Variants in PRKCA observed in about 807,000 individuals in gnomAD.
The protein encoded by PRKCA is protein kinase C alpha.
A neutral mutation model predicts 87.0 loss-of-function variants in PRKCA; 27 were observed. That is an observed-to-expected ratio of 0.31 (90% CI 0.23 to 0.43). The LOEUF (loss-of-function observed/expected upper bound fraction) is 0.43. Among genes scored for constraint, PRKCA ranks in the 20% least tolerant of loss-of-function variants. The probability of loss-of-function intolerance (pLI) is 1.00; values close to 1 mark genes in which losing one functional copy is unlikely to be tolerated. For missense variants in PRKCA, 518 were observed against 852.3 expected, an observed-to-expected ratio of 0.61 and a Z score of 4.88; for synonymous variants, 329 against 311.1, an observed-to-expected ratio of 1.06 and a Z score of -0.61.
At chr17:66,776,124 G>A (rs1158853607) in intron 14 of PRKCA, among the ~76,000 whole-genome samples, 2 of 152,218 alleles carry the variant, frequency 1.3e-5, no homozygotes, top group African/African-American at 4.8e-5. Context: ...CAGGGCTAGA[G>A]CAGAATTGAG....
At chr17:66,718,881 G>C (rs1973542341) in intron 8 of PRKCA, among the ~76,000 whole-genome samples, 1 of 152,198 alleles carries the variant, frequency 6.6e-6, no homozygotes. Flanking sequence ...AAGAAGTACA[G>C]TTAAAAATTC....
chr17:66,749,651 G>A (rs58321905), intron 13 of PRKCA, among the ~76,000 whole-genome samples: 5,599 of 152,282 alleles, frequency 0.037, 354 homozygotes, highest in African/African-American at 0.13. Context: ...CCTACCCCAG[G>A]GTCTGGAGCC....
chr17:66,393,969 G>A (rs185767951), intron 2 of PRKCA, among the ~76,000 whole-genome samples: 35 of 152,166 alleles, frequency 2.3e-4, no homozygotes, highest in African/African-American at 7.9e-4. Context: ...CACCTACTCG[G>A]GAGACTGAGG....
intron 5 of PRKCA, among the ~76,000 whole-genome samples, chr17:66,652,520 A>G (rs9904811): frequency 0.58 from 87,440 of 151,832 alleles, 25,259 homozygotes; most frequent in Admixed American, 0.6. Flanking sequence ...CCTACTTCCA[A>G]ATGGTTCAAC....
chr17:66,717,849 A>C (rs1314537197), intron 8 of PRKCA, among the ~76,000 whole-genome samples: 1 of 152,242 alleles, frequency 6.6e-6, no homozygotes, highest in East Asian at 1.9e-4. Context: ...AGTTGCCAGC[A>C]GGAGAAAGAA....
rs117484914 is a variant in PRKCA at position 66,375,573 on chromosome 17, A to C, written c.205+69446A>C. On this transcript the variant is annotated intron_variant, in intron 2 of 16. Transcript: ENST00000413366. ...AGCATCCCATGCATATCATATTCCA[A>C]ATGTTCTGTGTAAGCCCCAGGTTTC... is the stretch of plus-strand genomic sequence containing the variant. 6.3e-3 allele frequency among the ~76,000 whole-genome samples: 964 copies of C among 152,232 alleles called. 6 individuals are homozygous for C. Among genetic ancestry groups the C allele is most frequent in the Non-Finnish European group, 0.011 (733 of 68,020 alleles).
In PRKCA at chr17:66,454,754, A is replaced by G. The variant is rs149905903; in HGVS notation, c.206-41447A>G. Among the ~76,000 whole-genome samples, 933 of 152,296 alleles carry G rather than the reference A, an allele frequency of 6.1e-3. 13 individuals are homozygous for G. Among genetic ancestry groups the G allele is most frequent in the African/African-American group, 0.02 (827 of 41,558 alleles). ...TAACTCCCACTGGCTCCCTCCCCCA[A>G]TGTGTAGGAATTTACGGGAGGTACA... On this transcript the variant is annotated intron_variant, in intron 2 of 16. Coordinates refer to ENST00000413366, the MANE Select transcript of PRKCA (RefSeq NM_002737.3).
At position 66,805,016 on chromosome 17, in the gene PRKCA, A is replaced by T. The variant is rs1020569311; in HGVS notation, c.*979A>T. On this transcript the variant is annotated 3_prime_UTR_variant, in exon 17 of 17. Coordinates refer to ENST00000413366, the MANE Select transcript of PRKCA (RefSeq NM_002737.3). ...TGTGCTTATTTATTTAATAGGCTGC[A>T]GTGTCGCTTATGAAAGTACGATGTA... is the stretch of plus-strand genomic sequence containing the variant. 22 of 984,932 alleles carry T rather than the reference A, an allele frequency of 2.2e-5. No homozygotes were observed. The highest frequency in any genetic ancestry group is 2.4e-5 in the Non-Finnish European group (20 of 829,426). The allele number at this position is 984,932 out of a possible 1,614,324, so 61.0% of individuals were successfully genotyped here.
At chr17:66,760,693 A>C (rs1049489067) in intron 13 of PRKCA, among the ~76,000 whole-genome samples, 3 of 152,224 alleles carry the variant, frequency 2.0e-5, no homozygotes, top group African/African-American at 7.2e-5. Flanking sequence ...ATGAAAGAGG[A>C]CATCACTACA....
chr17:66,488,945 T>G (rs561860584), intron 2 of PRKCA, among the ~76,000 whole-genome samples: 7 of 152,160 alleles, frequency 4.6e-5, no homozygotes, highest in Non-Finnish European at 1.0e-4. Context: ...ACTTTTTCAT[T>G]ACTTTCCCTA....
intron 2 of PRKCA, among the ~76,000 whole-genome samples, chr17:66,372,107 T>C (rs1292325878): frequency 6.6e-6 from 1 of 152,216 alleles, no homozygotes; most frequent in African/African-American, 2.4e-5. Flanking sequence ...ACCATGTATA[T>C]GAGTCTCGTG....
chr17:66,517,371 G>C (rs970446303), intron 3 of PRKCA, among the ~76,000 whole-genome samples: 1 of 151,642 alleles, frequency 6.6e-6, no homozygotes, highest in Non-Finnish European at 1.5e-5. Flanking sequence ...TCCCCTCCTC[G>C]CCCCCAATTC....
intron 3 of PRKCA, among the ~76,000 whole-genome samples, chr17:66,544,122 G>A (rs1009831920): frequency 2.6e-5 from 4 of 152,116 alleles, no homozygotes; most frequent in Non-Finnish European, 5.9e-5. Flanking sequence ...GGTGGGGGGA[G>A]CTGAGGCAGG....
intron 8 of PRKCA, among the ~76,000 whole-genome samples, chr17:66,705,505 G>A (rs759117): frequency 0.61 from 93,348 of 152,108 alleles, 28,724 homozygotes; most frequent in African/African-American, 0.66. Flanking sequence ...AAAAAAGATT[G>A]TGCATTCTAG....
chr17:66,409,161 T>C (rs1484431142), intron 2 of PRKCA, among the ~76,000 whole-genome samples: 1 of 152,010 alleles, frequency 6.6e-6, no homozygotes, highest in Non-Finnish European at 1.5e-5. Flanking sequence ...TAGGAAGCAC[T>C]GTGACGTCCA....
intron 5 of PRKCA, among the ~76,000 whole-genome samples, chr17:66,649,825 A>G (rs559481436): frequency 7.9e-5 from 12 of 152,292 alleles, no homozygotes; most frequent in African/African-American, 2.9e-4. Context: ...TACCAAGTAC[A>G]TGGTGATGAA....
intron 3 of PRKCA, among the ~76,000 whole-genome samples, chr17:66,515,123 G>C (rs1381552696): frequency 6.6e-6 from 1 of 152,002 alleles, no homozygotes; most frequent in African/African-American, 2.4e-5. Flanking sequence ...GGGCATGGTG[G>C]CCTGCGCCTC....
At chr17:66,368,316 TTATC>T (rs939715939) in intron 2 of PRKCA, among the ~76,000 whole-genome samples, 8 of 146,614 alleles carry the variant, frequency 5.5e-5, no homozygotes, top group South Asian at 2.2e-4. Context: ...GTGTGTGTGT[TTATC>T]TATATGTGTG....
intron 3 of PRKCA, among the ~76,000 whole-genome samples, chr17:66,614,505 G>A (rs183423001): frequency 1.3e-5 from 2 of 152,194 alleles, no homozygotes; most frequent in Admixed American, 6.5e-5. Flanking sequence ...AAATGTTACC[G>A]TTTCCTACCT....
Sources: allele counts gnomAD v4.1 joint callset (sites outside exome capture counted in the v4.1 genomes callset), GRCh38; gene constraint gnomAD v4.1.1; transcripts MANE v1.5; gene names NCBI Gene and HGNC (gene_info 2026-07-23, HGNC 2026-07-21).